The following CAMLG variants were observed in gnomAD, a reference collection of about 807,000 sequenced individuals.
CAMLG encodes the protein calcium modulating ligand.
Under a neutral mutation model 28.9 loss-of-function variants are expected in CAMLG, and 23 were observed. The observed-to-expected ratio is 0.80, with a 90% CI of 0.57 to 1.13. The LOEUF (loss-of-function observed/expected upper bound fraction) is 1.13. CAMLG is among the 50% of genes most tolerant of loss of function. The pLI, the probability that CAMLG is intolerant of heterozygous loss-of-function variation, is 0.00. For missense variants in CAMLG, 367 were observed against 371.9 expected, an observed-to-expected ratio of 0.99 and a Z score of 0.11; for synonymous variants, 141 against 146.5, an observed-to-expected ratio of 0.96 and a Z score of 0.27.
chr5:134,744,134 A>G, intron 3 of CAMLG, 82 bp downstream of exon 3: 1 of 684,194 alleles, frequency 1.5e-6, no homozygotes. Context: ...TAAAAATGTT[A>G]GTCCTGCTTA....
At chr5:134,742,687 C>T (rs754950311) in intron 2 of CAMLG, among the ~76,000 whole-genome samples, 7 of 152,036 alleles carry the variant, frequency 4.6e-5, no homozygotes, top group Admixed American at 2.0e-4. Flanking sequence ...AGTATATGTA[C>T]CAGGCACATA....
intron 3 of CAMLG, among the ~76,000 whole-genome samples, chr5:134,745,435 CAAAA>C (rs561389879): frequency 3.7e-5 from 3 of 81,516 alleles, no homozygotes; most frequent in African/African-American, 4.8e-5. Flanking sequence ...CGAGACTCCT[CAAAA>C]AAAAAAAAAA....
In CAMLG at chr5:134,750,911, T is replaced by C; in HGVS notation, c.852T>C (p.Cys284=). ...TCTACTTTTTCACTTTTATCTTTTG[T>C]CATGAACTGCTTGATTATTGGGGCT... ...LCVYFFTFIF[C]HELLDYWGSE... is the part of the protein sequence containing the mutation. The change falls in exon 4 of 4, where the codon TGT becomes TGC. Residue 284 remains cysteine, a synonymous_variant. Coordinates refer to ENST00000297156, the MANE Select transcript of CAMLG (RefSeq NM_001745.4). 6.2e-7 allele frequency: 1 copy of C among 1,613,882 alleles called. No individual in the cohort carries two copies. Among genetic ancestry groups the C allele is most frequent in the Non-Finnish European group, 8.5e-7 (1 of 1,179,980 alleles).
At chr5:134,748,846 T>C (rs970274411) in intron 3 of CAMLG, among the ~76,000 whole-genome samples, 4 of 152,166 alleles carry the variant, frequency 2.6e-5, no homozygotes, top group Non-Finnish European at 5.9e-5. Flanking sequence ...TTCCGCATGA[T>C]ATTTTTGAGA....
Position 134,744,049 on chromosome 5 carries a change from C to T in CAMLG, c.696C>T (p.Pro232=), listed in dbSNP as rs139322333. 7 of 1,359,166 alleles carry T rather than the reference C, an allele frequency of 5.2e-6. No homozygotes were observed. Among genetic ancestry groups the T allele is most frequent in the African/African-American group, 2.9e-5 (2 of 69,674 alleles). 84.2% of individuals were successfully genotyped at this position (1,359,166 alleles called of 1,614,324 possible). The change falls in exon 3 of 4, where the codon CCC becomes CCT. Residue 232 remains proline, a synonymous_variant. Transcript: ENST00000297156. ...LAYMGLYKYF[P]KSEKKIKTTV... Reference sequence around the variant, plus strand: ...ACATGGGATTATACAAATATTTTCCCAAGGTAAATTAATTTTTTTTCTAAA... The same window carrying T: ...ACATGGGATTATACAAATATTTTCCTAAGGTAAATTAATTTTTTTTCTAAA...
chr5:134,744,418 G>A (rs958467537), intron 3 of CAMLG, among the ~76,000 whole-genome samples: 5 of 151,824 alleles, frequency 3.3e-5, no homozygotes, highest in Non-Finnish European at 4.4e-5. Flanking sequence ...CAGCTACTCA[G>A]GAGGCTGAGG....
intron 3 of CAMLG, among the ~76,000 whole-genome samples, chr5:134,746,218 CAAGAAATATT>C (rs934820008): frequency 3.9e-4 from 57 of 147,186 alleles, no homozygotes; most frequent in Admixed American, 1.0e-3. Context: ...GTAAGCTCTC[CAAGAAATATT>C]AAGAGAAAAA....
intron 3 of CAMLG, among the ~76,000 whole-genome samples, chr5:134,748,055 G>A (rs1753072507): frequency 6.6e-6 from 1 of 151,922 alleles, no homozygotes; most frequent in Non-Finnish European, 1.5e-5. Context: ...GTAGAGACGG[G>A]GTTTCACCAT....
intron 1 of CAMLG, among the ~76,000 whole-genome samples, chr5:134,740,070 T>TGGG (rs200041192): frequency 2.0e-5 from 3 of 151,918 alleles, no homozygotes; most frequent in African/African-American, 7.3e-5. Flanking sequence ...TGTGTGGAGA[T>TGGG]GGGGGGGTCT....
chr5:134,749,430 G>C (rs1226452359), intron 3 of CAMLG, among the ~76,000 whole-genome samples: 11 of 152,100 alleles, frequency 7.2e-5, no homozygotes, highest in Admixed American at 7.2e-4. Context: ...TGATAATAAA[G>C]AAAAATTCAG....
intron 2 of CAMLG, among the ~76,000 whole-genome samples, chr5:134,743,335 C>T (rs983991264): frequency 4.6e-5 from 7 of 151,930 alleles, no homozygotes; most frequent in Admixed American, 2.0e-4. Flanking sequence ...GTTTTGGGGA[C>T]GCTAAAAGAA....
chr5:134,738,922 G>GGC, intron 1 of CAMLG, 130 bp downstream of exon 1: 1 of 892,608 alleles, frequency 1.1e-6, no homozygotes, highest in Non-Finnish European at 1.7e-6. Flanking sequence ...TCTCTGTCCC[G>GGC]CCCCTTCGGT....
At chr5:134,743,297 A>T (rs1753006101) in intron 2 of CAMLG, among the ~76,000 whole-genome samples, 2 of 152,202 alleles carry the variant, frequency 1.3e-5, no homozygotes, top group Admixed American at 1.3e-4. Context: ...TAAATAATTT[A>T]AAAGATAAGT....
At chr5:134,744,842 A>T (rs1405069855) in intron 3 of CAMLG, among the ~76,000 whole-genome samples, 2 of 152,208 alleles carry the variant, frequency 1.3e-5, no homozygotes, top group African/African-American at 4.8e-5. Context: ...AATATTACAG[A>T]ACAGAATGAT....
intron 1 of CAMLG, among the ~76,000 whole-genome samples, chr5:134,740,389 C>T (rs1486140788): frequency 6.6e-6 from 1 of 152,046 alleles, no homozygotes; most frequent in African/African-American, 2.4e-5. Flanking sequence ...TATTTTTAAC[C>T]AAATAAGCTA....
At chr5:134,743,163 C>T (rs774931111) in intron 2 of CAMLG, among the ~76,000 whole-genome samples, 1 of 152,116 alleles carries the variant, frequency 6.6e-6, no homozygotes, top group South Asian at 2.1e-4. Flanking sequence ...TGGAAGAATG[C>T]CACGTATTTT....
rs780756030 is a variant in CAMLG at position 134,738,603 on chromosome 5, C to G, written c.-18C>G. On this transcript the variant is annotated 5_prime_UTR_variant, in exon 1 of 4. Transcript: ENST00000297156. The stretch of plus-strand genomic sequence containing the variant: ...ACATCACCGCCACTGCCACCCCTCC[C>G]AGACTGTGGACGGGAGGATGGAGTC... 3.1e-6 allele frequency: 5 copies of G among 1,601,652 alleles called. No individual in the cohort carries two copies. The South Asian group carries it at 5.5e-5, about 18-fold the overall frequency.
chr5:134,743,500 G>C (rs941074223), intron 2 of CAMLG, among the ~76,000 whole-genome samples: 5 of 152,012 alleles, frequency 3.3e-5, no homozygotes, highest in Non-Finnish European at 7.4e-5. Flanking sequence ...GACTGGGGAG[G>C]CAGGGGTTGC....
intron 3 of CAMLG, among the ~76,000 whole-genome samples, chr5:134,745,152 T>C (rs1753030694): frequency 6.6e-6 from 1 of 152,182 alleles, no homozygotes; most frequent in Non-Finnish European, 1.5e-5. Context: ...AAATTCACCT[T>C]TGAGGCGGGG....
Sources: gnomAD v4.1 joint callset for allele counts (sites outside exome capture counted in the v4.1 genomes callset) on GRCh38, gnomAD v4.1.1 for gene constraint, MANE v1.5 for transcripts, NCBI Gene and HGNC (gene_info 2026-07-23, HGNC 2026-07-21) for gene names.